The following TBC1D22A variants were observed in gnomAD, a reference collection of about 807,000 sequenced individuals.
The protein encoded by TBC1D22A is TBC1 domain family member 22A.
A neutral mutation model predicts 60.2 loss-of-function variants in TBC1D22A; 38 were observed. The observed-to-expected ratio is 0.63, with a 90% CI of 0.49 to 0.83. The LOEUF is 0.83. Ranked by LOEUF, TBC1D22A falls within the 40% of genes least tolerant of loss-of-function variation. TBC1D22A has a pLI of 0.00. For synonymous variants in TBC1D22A, 302 were observed against 281.7 expected, an observed-to-expected ratio of 1.07 and a Z score of -0.72; for missense variants, 628 against 701.0, an observed-to-expected ratio of 0.90 and a Z score of 1.18.
intron 8 of TBC1D22A, among the ~76,000 whole-genome samples, chr22:46,943,930 C>T (rs377647429): frequency 3.9e-5 from 6 of 152,162 alleles, no homozygotes; most frequent in Admixed American, 2.0e-4. Context: ...ATATAGACCA[C>T]GTCTTGTTTA....
intron 8 of TBC1D22A, among the ~76,000 whole-genome samples, chr22:46,928,743 G>A (rs2071186519): frequency 6.6e-6 from 1 of 152,036 alleles, no homozygotes; most frequent in African/African-American, 2.4e-5. Flanking sequence ...TTTAAAATGG[G>A]CAAAGTGTTT....
At chr22:47,134,610 G>C (rs909164361) in intron 12 of TBC1D22A, among the ~76,000 whole-genome samples, 1 of 152,244 alleles carries the variant, frequency 6.6e-6, no homozygotes, top group Non-Finnish European at 1.5e-5. Flanking sequence ...GAATCAAAAA[G>C]CAACTGGCAG....
intron 9 of TBC1D22A, among the ~76,000 whole-genome samples, chr22:46,982,440 T>C (rs1228202393): frequency 1.3e-5 from 2 of 152,026 alleles, no homozygotes; most frequent in Non-Finnish European, 2.9e-5. Flanking sequence ...GCCAGGATGG[T>C]GTTGATCTCC....
intron 10 of TBC1D22A, among the ~76,000 whole-genome samples, chr22:47,032,574 CTG>C (rs2062514201): frequency 1.3e-5 from 2 of 152,230 alleles, no homozygotes; most frequent in African/African-American, 4.8e-5. Context: ...CTGAAGCCTC[CTG>C]TGTAAAATGT....
intron 11 of TBC1D22A, among the ~76,000 whole-genome samples, chr22:47,039,645 A>T (rs1781618142): frequency 6.7e-6 from 1 of 149,788 alleles, no homozygotes; most frequent in Non-Finnish European, 1.5e-5. Flanking sequence ...CCCAGATGGA[A>T]GAGAATGGCC....
intron 1 of TBC1D22A, among the ~76,000 whole-genome samples, chr22:46,783,946 C>A: frequency 6.6e-6 from 1 of 152,238 alleles, no homozygotes; most frequent in East Asian, 1.9e-4. Flanking sequence ...ACGTCATATG[C>A]ATCTGCTTTT....
At chr22:47,059,605 G>T (rs551035729) in intron 11 of TBC1D22A, among the ~76,000 whole-genome samples, 3 of 152,266 alleles carry the variant, frequency 2.0e-5, no homozygotes, top group Admixed American at 6.5e-5. Flanking sequence ...AAGGAATGAA[G>T]AATTACCGAT....
At chr22:47,034,458 C>T (rs1464952553) in intron 10 of TBC1D22A, among the ~76,000 whole-genome samples, 12 of 135,568 alleles carry the variant, frequency 8.9e-5, no homozygotes, top group Non-Finnish European at 1.4e-4. Flanking sequence ...TTTAACAGCT[C>T]CTGTGCTCCC....
chr22:46,810,024 C>A (rs2085314656), intron 4 of TBC1D22A, among the ~76,000 whole-genome samples: 1 of 152,098 alleles, frequency 6.6e-6, no homozygotes, highest in African/African-American at 2.4e-5. Context: ...GTCAAAATTT[C>A]ATTTATATGC....
intron 4 of TBC1D22A, among the ~76,000 whole-genome samples, chr22:46,837,895 T>C (rs2086589825): frequency 6.6e-6 from 1 of 152,186 alleles, no homozygotes; most frequent in Admixed American, 6.5e-5. Flanking sequence ...ACCCCATCTT[T>C]ATTAAAAATA....
intron 4 of TBC1D22A, among the ~76,000 whole-genome samples, chr22:46,876,187 C>T (rs1298782976): frequency 1.3e-5 from 2 of 152,198 alleles, no homozygotes; most frequent in African/African-American, 2.4e-5. Context: ...CCTGGGATCC[C>T]CTCCCCAGAT....
chr22:47,138,687 G>A (rs527626070), intron 12 of TBC1D22A, among the ~76,000 whole-genome samples: 2 of 152,326 alleles, frequency 1.3e-5, no homozygotes, highest in South Asian at 2.1e-4. Context: ...TAACAAAATA[G>A]CATAGATGGT....
At chr22:46,966,063 C>T (rs1434214007) in intron 8 of TBC1D22A, among the ~76,000 whole-genome samples, 1 of 152,214 alleles carries the variant, frequency 6.6e-6, no homozygotes, top group African/African-American at 2.4e-5. Flanking sequence ...CTAGCGCTTC[C>T]CGTCCCTCTA....
intron 12 of TBC1D22A, among the ~76,000 whole-genome samples, chr22:47,150,183 C>T (rs1288057552): frequency 1.3e-5 from 2 of 152,186 alleles, no homozygotes; most frequent in African/African-American, 4.8e-5. Context: ...GCACTGTAAA[C>T]GCCCCTGAGA....
chr22:46,819,623 G>T (rs1385894329), intron 4 of TBC1D22A, among the ~76,000 whole-genome samples: 1 of 152,206 alleles, frequency 6.6e-6, no homozygotes, highest in African/African-American at 2.4e-5. Context: ...TTGATGTGCT[G>T]CTGGATTTGG....
chr22:47,004,995 A>G (rs540906256), intron 10 of TBC1D22A, among the ~76,000 whole-genome samples: 9 of 151,876 alleles, frequency 5.9e-5, no homozygotes, highest in African/African-American at 2.2e-4. Flanking sequence ...ATACACATAC[A>G]TGCCTTTATA....
At chr22:47,049,063 T>C (rs1016521940) in intron 11 of TBC1D22A, among the ~76,000 whole-genome samples, 1 of 152,246 alleles carries the variant, frequency 6.6e-6, no homozygotes, top group African/African-American at 2.4e-5. Flanking sequence ...AGTCCAATTT[T>C]CTGTGACCTT....
chr22:46,929,914 C>T (rs952670562), intron 8 of TBC1D22A, among the ~76,000 whole-genome samples: 1 of 152,086 alleles, frequency 6.6e-6, no homozygotes, highest in Non-Finnish European at 1.5e-5. Context: ...CTCCTCAGCC[C>T]CTATGTGTGT....
chr22:47,118,141 A>T lies in TBC1D22A; in HGVS notation c.1425+6538A>T, dbSNP rs181333542. On this transcript the variant is annotated intron_variant, in intron 12 of 12. Coordinates refer to ENST00000337137, the MANE Select transcript of TBC1D22A (RefSeq NM_014346.5). ...CCGTCTCAAAAAAAATACATAAAAAATAAGGTGGATTGTGAATCTGAATGG... is the reference window on the plus strand; with the variant it reads ...CCGTCTCAAAAAAAATACATAAAAATTAAGGTGGATTGTGAATCTGAATGG... 7.6e-4 allele frequency among the ~76,000 whole-genome samples: 116 copies of T among 152,286 alleles called. 3 individuals carry two copies. In the South Asian group the frequency reaches 0.021, roughly 27 times the overall value.
Sources: gnomAD v4.1 joint callset for allele counts (sites outside exome capture counted in the v4.1 genomes callset) on GRCh38, gnomAD v4.1.1 for gene constraint, MANE v1.5 for transcripts, NCBI Gene and HGNC (gene_info 2026-07-23, HGNC 2026-07-21) for gene names.